The following ZNF541 variants were observed in gnomAD, a reference collection of about 807,000 sequenced individuals.
ZNF541 encodes zinc finger protein 541.
A neutral mutation model predicts 123.5 loss-of-function variants in ZNF541; 23 were observed. The observed-to-expected ratio is 0.19, with a 90% CI of 0.13 to 0.26. The LOEUF (loss-of-function observed/expected upper bound fraction) is 0.26, where lower values mean the gene tolerates loss of function less well. ZNF541 is among the 10% of genes least tolerant of loss of function. ZNF541 has a pLI of 1.00. For synonymous variants in ZNF541, 751 were observed against 754.5 expected (o/e 1.00, Z 0.08); for missense variants, 1,612 against 1,789.9 (o/e 0.90, Z 1.79).
chr19:47,521,024 G>A lies in ZNF541; in HGVS notation c.*200C>T, dbSNP rs1431159203. ...GGAGAGTGGAGCCTCCAGCACCACC[G>A]GACAGGGACTGCATAGCTGTCCGAC... On this transcript the variant is annotated 3_prime_UTR_variant, in exon 17 of 17. Coordinates refer to ENST00000391901, the MANE Select transcript of ZNF541 (RefSeq NM_001277075.3). The surrounding 1 kb of genome is among the most constrained non-coding windows in gnomAD (Gnocchi z 4.2). 1.1e-5 allele frequency: 7 copies of A among 611,882 alleles called. No individual in the cohort carries two copies. Among genetic ancestry groups the A allele is most frequent in the Admixed American group, 5.9e-5 (2 of 33,614 alleles). 37.9% of individuals were successfully genotyped at this position (611,882 alleles called of 1,614,324 possible).
At chr19:47,552,118 A>G (rs1260300239) in intron 3 of ZNF541, among the ~76,000 whole-genome samples, 1 of 152,186 alleles carries the variant, frequency 6.6e-6, no homozygotes, top group Non-Finnish European at 1.5e-5. Flanking sequence ...TCAGCCTCCC[A>G]AAGTGCTGGG....
At chr19:47,532,376 C>T in intron 10 of ZNF541, 106 bp from the exon 11 acceptor site, 1 of 1,302,120 alleles carries the variant, frequency 7.7e-7, no homozygotes, top group Non-Finnish European at 1.1e-6. Context: ...CAGCCTGCTC[C>T]ATGGAAACCC....
chr19:47,548,937 G>A (rs1346611441), intron 4 of ZNF541, among the ~76,000 whole-genome samples: 2 of 152,010 alleles, frequency 1.3e-5, no homozygotes, highest in African/African-American at 2.4e-5. Context: ...AAATTAGCTG[G>A]GTGTGGTGGC....
intron 14 of ZNF541, among the ~76,000 whole-genome samples, chr19:47,526,403 A>G (rs1969296750): frequency 6.7e-6 from 1 of 149,444 alleles, no homozygotes; most frequent in Admixed American, 6.8e-5. Flanking sequence ...CATCGCTTGA[A>G]CCTGGGAGGC....
At chr19:47,532,297 G>C (rs1279562650) in intron 10 of ZNF541, 27 bp from the exon 11 acceptor site, 3 of 1,550,426 alleles carry the variant, frequency 1.9e-6, no homozygotes, top group South Asian at 1.2e-5. Flanking sequence ...CACAGATAAG[G>C]GAGACGTACA....
At chr19:47,569,527 C>A (rs2123436850) in intron 2 of ZNF541, among the ~76,000 whole-genome samples, 1 of 152,146 alleles carries the variant, frequency 6.6e-6, no homozygotes, top group Non-Finnish European at 1.5e-5. Context: ...GACTGGGACT[C>A]CTGCTTCACA....
chr19:47,534,209 C>T (rs1969711802), intron 9 of ZNF541, among the ~76,000 whole-genome samples: 1 of 152,016 alleles, frequency 6.6e-6, no homozygotes. Context: ...AATCTGTAAA[C>T]TTGAAGACAG....
At chr19:47,555,412 G>A in intron 3 of ZNF541, 138 bp downstream of exon 3, 1 of 726,398 alleles carries the variant, frequency 1.4e-6, no homozygotes, top group South Asian at 2.3e-5. Context: ...TCCCAAGTAG[G>A]AAAAAAGGTG....
Position 47,539,728 on chromosome 19 carries a change from G to A in ZNF541, c.2773C>T (p.Arg925Ter). The A allele has an allele frequency of 6.9e-7, 1 of 1,439,368 alleles. No homozygotes were observed. Among genetic ancestry groups the A allele is most frequent in the Non-Finnish European group, 9.1e-7 (1 of 1,100,570 alleles). 89.2% of individuals were successfully genotyped at this position (1,439,368 alleles called of 1,614,324 possible). A position where few individuals can be genotyped will look rare whatever the true frequency, so the allele number is the denominator to read the frequency against. Residue 925 changes from arginine to a stop codon, truncating the protein, a stop_gained, in exon 8 of 17, where the codon CGA (arginine) becomes TGA (stop). Transcript: ENST00000391901. LOFTEE classifies it high-confidence loss of function. ...ACCATGGCCATGCTCCCTATGTGTC[G>A]GGTCACTGGAACCACGGGGATCGAT... is the stretch of plus-strand genomic sequence containing the variant. The part of the protein sequence containing the change: ...PQSIPVVPVT[R>*]HIGSMAMGQE...
At position 47,521,042 on chromosome 19, in the gene ZNF541, T is replaced by C; in HGVS notation, c.*182A>G. The C allele has an allele frequency of 3.0e-6, 2 of 675,406 alleles. No individual in the cohort carries two copies. Among genetic ancestry groups the C allele is most frequent in the East Asian group, 2.7e-5 (1 of 36,378 alleles). The allele number at this position is 675,406 out of a possible 1,614,324, so 41.8% of individuals were successfully genotyped here. A position where few individuals can be genotyped will look rare whatever the true frequency, so the allele number is the denominator to read the frequency against. The stretch of plus-strand genomic sequence containing the variant: ...CACCACCGGACAGGGACTGCATAGC[T>C]GTCCGACAACTGAGCTCCTCCTGCC... On this transcript the variant is annotated 3_prime_UTR_variant, in exon 17 of 17. Coordinates refer to ENST00000391901, the MANE Select transcript of ZNF541 (RefSeq NM_001277075.3). This position sits in a 1 kb window ranked among gnomAD's most constrained non-coding sequence, Gnocchi z 4.2.
At chr19:47,568,469 G>A (rs146181764) in intron 2 of ZNF541, among the ~76,000 whole-genome samples, 130 of 152,048 alleles carry the variant, frequency 8.5e-4, no homozygotes, top group African/African-American at 2.8e-3. Context: ...TCAGCCACCC[G>A]AGTAGCTGGG....
intron 8 of ZNF541, among the ~76,000 whole-genome samples, chr19:47,538,929 G>A (rs967667072): frequency 6.6e-6 from 1 of 152,056 alleles, no homozygotes; most frequent in African/African-American, 2.4e-5. Flanking sequence ...AACTCACCAT[G>A]CTCTCTCTCA....
At chr19:47,571,714 C>T (rs1433597074) in intron 2 of ZNF541, among the ~76,000 whole-genome samples, 182 bp downstream of exon 2, 1 of 152,220 alleles carries the variant, frequency 6.6e-6, no homozygotes, top group Non-Finnish European at 1.5e-5. Flanking sequence ...GTCTGCACTC[C>T]TCCTAACAGG....
chr19:47,533,998 T>C (rs537821340), intron 9 of ZNF541, among the ~76,000 whole-genome samples: 9 of 152,264 alleles, frequency 5.9e-5, no homozygotes, highest in Non-Finnish European at 1.3e-4. Flanking sequence ...TCAGCTCCCA[T>C]GCTTAAAGAA....
intron 9 of ZNF541, 104 bp from the exon 10 acceptor site, chr19:47,533,076 T>A: frequency 6.3e-6 from 7 of 1,110,730 alleles, no homozygotes; most frequent in Non-Finnish European, 8.9e-6. Context: ...GTCTTTAAGA[T>A]CCCATGGGTT....
chr19:47,531,564 CCAAG>C, intron 12 of ZNF541, 74 bp downstream of exon 12: 1 of 1,187,478 alleles, frequency 8.4e-7, no homozygotes, highest in Non-Finnish European at 1.2e-6. Context: ...CTCTGAACCC[CCAAG>C]CAGACAGCAC....
At position 47,521,672 on chromosome 19, in the gene ZNF541, G is replaced by C; in HGVS notation, c.3712-18C>G. ...CATGGGACCTGCAGAGGGAGCAAAA[G>C]TGACATAAGGGTGCTGACCTGTCCT... is the stretch of plus-strand genomic sequence containing the variant. On this transcript the variant is annotated intron_variant, in intron 15 of 16. Coordinates refer to ENST00000391901, the MANE Select transcript of ZNF541 (RefSeq NM_001277075.3). This position sits in a 1 kb window ranked among gnomAD's most constrained non-coding sequence, Gnocchi z 4.2. 1 of 1,550,998 alleles carries C rather than the reference G, an allele frequency of 6.4e-7. No homozygotes were observed. Among genetic ancestry groups the C allele is most frequent in the Non-Finnish European group, 8.7e-7 (1 of 1,146,600 alleles).
intron 5 of ZNF541, among the ~76,000 whole-genome samples, chr19:47,543,228 T>C (rs1970157709): frequency 6.6e-6 from 1 of 152,128 alleles, no homozygotes; most frequent in Non-Finnish European, 1.5e-5. Flanking sequence ...TCCTCCTGAG[T>C]AGCTGGGACC....
intron 14 of ZNF541, among the ~76,000 whole-genome samples, chr19:47,527,671 C>T (rs1372214511): frequency 6.6e-6 from 1 of 152,126 alleles, no homozygotes; most frequent in African/African-American, 2.4e-5. Flanking sequence ...GCTAGGATTA[C>T]AGGCGTGAGC....
Sources: allele counts gnomAD v4.1 joint callset (sites outside exome capture counted in the v4.1 genomes callset), GRCh38; gene constraint gnomAD v4.1.1; non-coding constraint Gnocchi (gnomAD v3.1); transcripts MANE v1.5; gene names NCBI Gene and HGNC (gene_info 2026-07-23, HGNC 2026-07-21).